FBXL17: variants seen among roughly 807,000 people sequenced by gnomAD.
FBXL17 encodes F-box and leucine rich repeat protein 17.
FBXL17 carries 22 observed loss-of-function variants against 66.2 expected under a neutral mutation model. That is an observed-to-expected ratio of 0.33 (90% CI 0.24 to 0.47). The LOEUF is 0.47. Among genes scored for constraint, FBXL17 ranks in the 20% least tolerant of loss-of-function variants. The pLI, the probability that FBXL17 is intolerant of heterozygous loss-of-function variation, is 1.00. For synonymous variants in FBXL17, 474 were observed against 400.5 expected (o/e 1.18, Z -2.19); for missense variants, 878 against 948.2 (o/e 0.93, Z 0.97).
intron 7 of FBXL17, among the ~76,000 whole-genome samples, chr5:107,962,970 C>T (rs114501145): frequency 0.01 from 1,583 of 152,124 alleles, 27 homozygotes; most frequent in African/African-American, 0.035. Flanking sequence ...TGGTACAAAA[C>T]CCATCCTCCA....
chr5:107,991,867 C>T (rs1011641761), intron 7 of FBXL17, among the ~76,000 whole-genome samples: 1 of 152,108 alleles, frequency 6.6e-6, no homozygotes, highest in Non-Finnish European at 1.5e-5. Flanking sequence ...TTCAGGAGTA[C>T]CCTACATAAA....
chr5:107,911,238 G>A (rs1749940082), intron 7 of FBXL17, among the ~76,000 whole-genome samples: 1 of 152,032 alleles, frequency 6.6e-6, no homozygotes, highest in Non-Finnish European at 1.5e-5. Flanking sequence ...GTGGATATAT[G>A]AAAATTTTTA....
At chr5:108,321,502 T>C (rs958037942) in intron 4 of FBXL17, among the ~76,000 whole-genome samples, 2 of 151,896 alleles carry the variant, frequency 1.3e-5, no homozygotes, top group South Asian at 2.1e-4. Context: ...TAGACTGGCA[T>C]AGAATGCTAT....
chr5:107,881,272 T>C (rs916041933), intron 7 of FBXL17, 93 bp from the exon 8 acceptor site: 1 of 754,486 alleles, frequency 1.3e-6, no homozygotes, highest in Admixed American at 2.7e-5. Context: ...TCACTAAATT[T>C]GTTCCTGAAA....
At chr5:108,339,640 G>T (rs1746747878) in intron 4 of FBXL17, among the ~76,000 whole-genome samples, 1 of 148,700 alleles carries the variant, frequency 6.7e-6, no homozygotes, top group Admixed American at 6.7e-5. Flanking sequence ...ACTAGCCAAG[G>T]AATTACACTA....
chr5:108,367,499 T>C (rs1307823593), intron 2 of FBXL17, among the ~76,000 whole-genome samples: 1 of 152,058 alleles, frequency 6.6e-6, no homozygotes, highest in African/African-American at 2.4e-5. Context: ...GCTACAGAAA[T>C]GTTTGCCATC....
intron 6 of FBXL17, among the ~76,000 whole-genome samples, chr5:108,131,756 G>A (rs1023388177): frequency 6.6e-6 from 1 of 151,964 alleles, no homozygotes; most frequent in Non-Finnish European, 1.5e-5. Flanking sequence ...AGTAATTATG[G>A]TTTCATTATA....
At chr5:108,302,868 A>T (rs917638985) in intron 4 of FBXL17, among the ~76,000 whole-genome samples, 1 of 151,866 alleles carries the variant, frequency 6.6e-6, no homozygotes, top group African/African-American at 2.4e-5. Context: ...AAAAAAGAAA[A>T]GCCTTATAAT....
chr5:108,203,003 CAT>C (rs1421798004), intron 5 of FBXL17, among the ~76,000 whole-genome samples: 1 of 151,978 alleles, frequency 6.6e-6, no homozygotes, highest in Non-Finnish European at 1.5e-5. Flanking sequence ...AGTAAACAAA[CAT>C]AGTTATTAAT....
chr5:108,372,962 A>G (rs982209862), intron 1 of FBXL17, among the ~76,000 whole-genome samples: 4 of 152,014 alleles, frequency 2.6e-5, no homozygotes, highest in African/African-American at 9.7e-5. Flanking sequence ...TTATGAATCT[A>G]TATTGATTGG....
At chr5:108,083,162 G>A (rs1748832992) in intron 6 of FBXL17, among the ~76,000 whole-genome samples, 2 of 148,446 alleles carry the variant, frequency 1.3e-5, no homozygotes, top group African/African-American at 4.9e-5. Context: ...CTAATACAAG[G>A]AAAATAAAGC....
At chr5:108,087,607 C>T (rs2149926069) in intron 6 of FBXL17, among the ~76,000 whole-genome samples, 1 of 152,202 alleles carries the variant, frequency 6.6e-6, no homozygotes, top group South Asian at 2.1e-4. Flanking sequence ...ACCCCAATCT[C>T]GATCTCAGTG....
chr5:108,197,276 C>G (rs1357737925), intron 5 of FBXL17, among the ~76,000 whole-genome samples: 1 of 152,112 alleles, frequency 6.6e-6, no homozygotes, highest in Admixed American at 6.6e-5. Flanking sequence ...CACTGTTTCA[C>G]TTAAAGAAGA....
At chr5:108,246,728 A>C (rs776768829) in intron 4 of FBXL17, among the ~76,000 whole-genome samples, 2 of 152,238 alleles carry the variant, frequency 1.3e-5, no homozygotes, top group Non-Finnish European at 2.9e-5. Context: ...GAATTCACAT[A>C]ATATAAACTT....
chr5:108,277,637 C>T (rs1475172464), intron 4 of FBXL17, among the ~76,000 whole-genome samples: 3 of 152,122 alleles, frequency 2.0e-5, no homozygotes, highest in African/African-American at 7.2e-5. Context: ...TTCTCTCAGT[C>T]TGAAGCAAGA....
intron 4 of FBXL17, among the ~76,000 whole-genome samples, chr5:108,322,141 T>C (rs1759648426): frequency 6.6e-6 from 1 of 151,888 alleles, no homozygotes. Flanking sequence ...AATCTGGCAA[T>C]ATCTACGAAA....
intron 7 of FBXL17, among the ~76,000 whole-genome samples, chr5:107,955,143 T>C (rs192459767): frequency 1.2e-4 from 19 of 152,208 alleles, no homozygotes; most frequent in Middle Eastern, 3.4e-3. Context: ...ACATCTTTTA[T>C]TTCTTGATTT....
chr5:108,181,243 T>C (rs1374875108), intron 6 of FBXL17, among the ~76,000 whole-genome samples: 1 of 152,074 alleles, frequency 6.6e-6, no homozygotes, highest in Non-Finnish European at 1.5e-5. Context: ...TTCAATAAAC[T>C]TAGAATCAGG....
At chr5:108,301,022 C>A (rs1232034285) in intron 4 of FBXL17, among the ~76,000 whole-genome samples, 3 of 151,584 alleles carry the variant, frequency 2.0e-5, no homozygotes, top group Non-Finnish European at 1.5e-5. Context: ...TAAAAAGTAA[C>A]AGACCTACTG....
Sources: gnomAD v4.1 joint callset for allele counts (sites outside exome capture counted in the v4.1 genomes callset) on GRCh38, gnomAD v4.1.1 for gene constraint, MANE v1.5 for transcripts, NCBI Gene and HGNC (gene_info 2026-07-23, HGNC 2026-07-21) for gene names.